MYH15: variants seen among roughly 807,000 people sequenced by gnomAD.
MYH15 encodes the protein myosin heavy chain 15, also known as myosin-15.
MYH15 carries 227 observed loss-of-function variants against 240.5 expected under a neutral mutation model. The observed-to-expected ratio is 0.94, with a 90% confidence interval of 0.85 to 1.05. MYH15 has a LOEUF of 1.05. Among genes scored for constraint, MYH15 ranks in the 50% least tolerant of loss-of-function variants. The pLI, the probability that MYH15 is intolerant of heterozygous loss-of-function variation, is 0.00. For synonymous variants in MYH15, 785 were observed against 796.7 expected, an observed-to-expected ratio of 0.99 and a Z score of 0.25; for missense variants, 2,217 against 2,247.5, an observed-to-expected ratio of 0.99 and a Z score of 0.27.
At chr3:108,418,347 A>C (rs574908663) in intron 28 of MYH15, among the ~76,000 whole-genome samples, 1 of 152,354 alleles carries the variant, frequency 6.6e-6, no homozygotes, top group South Asian at 2.1e-4. Context: ...TCTTAAGGAC[A>C]TCCTTAAGTG....
chr3:108,451,107 C>G (rs962535808), intron 21 of MYH15, among the ~76,000 whole-genome samples: 1 of 152,170 alleles, frequency 6.6e-6, no homozygotes, highest in Non-Finnish European at 1.5e-5. Context: ...AGGCCAGGTA[C>G]AGTGGCTCAT....
chr3:108,467,111 C>A (rs1437641721), intron 14 of MYH15, among the ~76,000 whole-genome samples: 1 of 151,760 alleles, frequency 6.6e-6, no homozygotes. Context: ...AGTGTAGGCC[C>A]TCAGCACATT....
chr3:108,444,905 G>A lies in MYH15; in HGVS notation c.2400-10C>T, dbSNP rs1485623950. On this transcript the variant is annotated splice_polypyrimidine_tract_variant and intron_variant, in intron 21 of 40. Transcript: ENST00000693548. ...CAAAATAAGTGCATCCCTAAATCAA[G>A]AAAGAAAAAAGAAAAGCAAGTTAGC... 12 of 1,584,350 alleles carry A rather than the reference G, an allele frequency of 7.6e-6. No individual in the cohort carries two copies. The Admixed American group carries it at 7.7e-5, about 10-fold the overall frequency.
intron 25 of MYH15, among the ~76,000 whole-genome samples, chr3:108,432,871 G>A (rs2082790966): frequency 6.6e-6 from 1 of 152,192 alleles, no homozygotes; most frequent in Non-Finnish European, 1.5e-5. Context: ...TGCTGCAGGA[G>A]CGGGGCCCTC....
chr3:108,415,493 C>T (rs35227489), intron 29 of MYH15, among the ~76,000 whole-genome samples: 12,149 of 152,222 alleles, frequency 0.08, 536 homozygotes, highest in Middle Eastern at 0.11. Context: ...GTGGCATTTA[C>T]ATGGCATATA....
At chr3:108,473,331 CCT>C (rs1405248245) in intron 12 of MYH15, among the ~76,000 whole-genome samples, 1 of 152,028 alleles carries the variant, frequency 6.6e-6, no homozygotes, top group Non-Finnish European at 1.5e-5. Flanking sequence ...TATGTTGATC[CCT>C]CTCTTTCTCA....
intron 14 of MYH15, among the ~76,000 whole-genome samples, chr3:108,468,203 T>TCAG (rs2083138351): frequency 6.6e-6 from 1 of 152,214 alleles, no homozygotes; most frequent in Non-Finnish European, 1.5e-5. Flanking sequence ...TGACCTCAAG[T>TCAG]GATCCACTCA....
At position 108,428,639 on chromosome 3, in the gene MYH15, C is replaced by T. The variant is rs548310592; in HGVS notation, c.3555G>A (p.Lys1185=). 21 of 1,613,698 alleles carry T rather than the reference C, an allele frequency of 1.3e-5. No individual in the cohort carries two copies. Among genetic ancestry groups the T allele is most frequent in the Non-Finnish European group, 1.8e-5 (21 of 1,180,008 alleles). The change falls in exon 27 of 41, where the codon AAG becomes AAA. Residue 1185 remains lysine (K), a synonymous_variant. Coordinates refer to ENST00000693548, the MANE Select transcript of MYH15 (RefSeq NM_014981.3). ...LHFETTSASL[K]KRHADSLAEL... ...CAGCCAGGCTGTCTGCATGTCTCTTCTTCAAAGATGCAGAAGTTGTCTCAA... is the reference window on the plus strand; with the variant it reads ...CAGCCAGGCTGTCTGCATGTCTCTTTTTCAAAGATGCAGAAGTTGTCTCAA...
intron 25 of MYH15, among the ~76,000 whole-genome samples, chr3:108,434,190 GTTTTT>G (rs5851590): frequency 2.3e-5 from 3 of 130,994 alleles, no homozygotes; most frequent in Non-Finnish European, 4.8e-5. Context: ...ATTGAGAATG[GTTTTT>G]TTTTTTTTTT....
At chr3:108,447,197 A>T (rs2082935601) in intron 21 of MYH15, among the ~76,000 whole-genome samples, 1 of 152,176 alleles carries the variant, frequency 6.6e-6, no homozygotes. Context: ...AAACAAATGA[A>T]AAGAATGAAG....
intron 14 of MYH15, among the ~76,000 whole-genome samples, chr3:108,469,171 C>T (rs1434426858): frequency 3.3e-5 from 5 of 152,104 alleles, no homozygotes; most frequent in African/African-American, 1.2e-4. Flanking sequence ...TGATAAAACC[C>T]AGGGCTTGCA....
chr3:108,426,190 A>T (rs1215155285), intron 27 of MYH15, among the ~76,000 whole-genome samples: 24 of 150,730 alleles, frequency 1.6e-4, no homozygotes, highest in Non-Finnish European at 3.1e-4. Flanking sequence ...TGTGAAGAAT[A>T]AAAAAGTATT....
At chr3:108,411,032 G>A (rs2082589150) in intron 30 of MYH15, 100 bp from the exon 31 acceptor site, 1 of 992,168 alleles carries the variant, frequency 1.0e-6, no homozygotes. Context: ...TGCAAAGTAA[G>A]ATGGCGCCTC....
chr3:108,534,728 T>C, the MYH15 span, among the ~76,000 whole-genome samples: 1 of 143,762 alleles, frequency 7.0e-6, no homozygotes, highest in Non-Finnish European at 1.6e-5. Context: ...TTTTTTTTTT[T>C]AGATTAGCTG....
intron 21 of MYH15, among the ~76,000 whole-genome samples, chr3:108,452,727 A>G (rs1476336453): frequency 6.6e-6 from 1 of 152,190 alleles, no homozygotes; most frequent in Non-Finnish European, 1.5e-5. Flanking sequence ...TCAGGATCTG[A>G]GAAGGAAAAG....
At chr3:108,467,996 C>T (rs942311647) in intron 14 of MYH15, among the ~76,000 whole-genome samples, 1 of 149,634 alleles carries the variant, frequency 6.7e-6, no homozygotes, top group Admixed American at 6.6e-5. Flanking sequence ...GATAGAATCT[C>T]ACTCTGTTGC....
chr3:108,410,953 AAG>A (rs2082588554), intron 30 of MYH15, 21 bp from the exon 31 acceptor site: 1 of 1,563,988 alleles, frequency 6.4e-7, no homozygotes, highest in Admixed American at 1.7e-5. Context: ...AGGACACCCA[AAG>A]AGTGAGTGAG....
chr3:108,479,853 G>A (rs1454626087), intron 11 of MYH15, among the ~76,000 whole-genome samples: 1 of 151,982 alleles, frequency 6.6e-6, no homozygotes, highest in Admixed American at 6.6e-5. Context: ...AAAGAATGAA[G>A]CAAAATCCAG....
chr3:108,386,500 C>A (rs2082385215), intron 38 of MYH15, among the ~76,000 whole-genome samples: 1 of 152,194 alleles, frequency 6.6e-6, no homozygotes, highest in Admixed American at 6.5e-5. Context: ...CAGGCAATAG[C>A]TGGGCATAGT....
Sources: gnomAD v4.1 joint callset for allele counts (sites outside exome capture counted in the v4.1 genomes callset) on GRCh38, gnomAD v4.1.1 for gene constraint, MANE v1.5 for transcripts, NCBI Gene and HGNC (gene_info 2026-07-23, HGNC 2026-07-21) for gene names.